Variants in HUNK observed in about 807,000 individuals in gnomAD.
HUNK encodes hormonally up-regulated Neu-associated kinase.
A neutral mutation model predicts 61.0 loss-of-function variants in HUNK; 21 were observed. The observed-to-expected ratio is 0.34, with a 90% CI of 0.24 to 0.50. The LOEUF (loss-of-function observed/expected upper bound fraction) is 0.50. Among genes scored for constraint, HUNK ranks in the 20% least tolerant of loss-of-function variants. HUNK has a pLI of 0.98. For missense variants in HUNK, 772 were observed against 945.7 expected, an observed-to-expected ratio of 0.82 and a Z score of 2.41; for synonymous variants, 371 against 386.1, an observed-to-expected ratio of 0.96 and a Z score of 0.46.
chr21:31,976,617 C>T (rs1445450991), intron 7 of HUNK, among the ~76,000 whole-genome samples: 1 of 151,422 alleles, frequency 6.6e-6, no homozygotes, highest in Non-Finnish European at 1.5e-5. Flanking sequence ...CAGGCACGTG[C>T]CACCACGCTT....
chr21:31,988,200 G>T (rs1296187035), intron 8 of HUNK, among the ~76,000 whole-genome samples: 2 of 152,166 alleles, frequency 1.3e-5, no homozygotes, highest in Non-Finnish European at 2.9e-5. Context: ...CACCTATCGT[G>T]TGTGCCCGAC....
chr21:31,873,206 C>G lies in HUNK; in HGVS notation c.-469C>G, dbSNP rs994037892. 2.6e-5 allele frequency: 4 copies of G among 152,038 alleles called. No homozygotes were observed. The highest frequency in any genetic ancestry group is 5.9e-5 in the Non-Finnish European group (4 of 68,030). The allele number at this position is 152,038 out of a possible 1,614,324, so 9.4% of individuals were successfully genotyped here. A position where few individuals can be genotyped will look rare whatever the true frequency, so the allele number is the denominator to read the frequency against. On this transcript the variant is annotated 5_prime_UTR_variant, in exon 1 of 11. Coordinates refer to ENST00000270112, the MANE Select transcript of HUNK (RefSeq NM_014586.2). The surrounding 1 kb of genome is among the most constrained non-coding windows in gnomAD (Gnocchi z 6.1). ...CGGCCGCCCAGCGCACGGCTAGGAG[C>G]GATCGCGGGAGCCCGACCCAAGCCC...
Position 31,873,955 on chromosome 21 carries a change from T to C in HUNK, c.261+20T>C. 6.8e-7 allele frequency: 1 copy of C among 1,468,962 alleles called. No homozygotes were observed. The highest frequency in any genetic ancestry group is 9.0e-7 in the Non-Finnish European group (1 of 1,108,504). 91.0% of individuals were successfully genotyped at this position (1,468,962 alleles called of 1,614,324 possible). ...GAGAAGGTGAGTCTCCCGGGCGCCG[T>C]GGGGCTGGGGCACAGGGGCGGGAGT... On this transcript the variant is annotated intron_variant, in intron 1 of 10. Transcript: ENST00000270112. The surrounding 1 kb of genome is among the most constrained non-coding windows in gnomAD (Gnocchi z 6.1).
At chr21:31,980,415 T>G (rs1017392519) in intron 7 of HUNK, among the ~76,000 whole-genome samples, 20 of 144,112 alleles carry the variant, frequency 1.4e-4, no homozygotes, top group East Asian at 1.0e-3. Flanking sequence ...TCTCGCTCTG[T>G]CACCAGGCTG....
intron 1 of HUNK, among the ~76,000 whole-genome samples, chr21:31,908,891 A>C (rs528737491): frequency 6.6e-6 from 1 of 152,134 alleles, no homozygotes; most frequent in African/African-American, 2.4e-5. Context: ...TTGCCAATAT[A>C]TTTATCAGTT....
At chr21:31,920,697 G>A (rs1437711509) in intron 1 of HUNK, among the ~76,000 whole-genome samples, 3 of 152,180 alleles carry the variant, frequency 2.0e-5, no homozygotes, top group African/African-American at 4.8e-5. Context: ...TTTACCTCCT[G>A]GGGGCTGAGA....
intron 5 of HUNK, among the ~76,000 whole-genome samples, chr21:31,965,020 A>G (rs2052953446): frequency 6.6e-6 from 1 of 152,142 alleles, no homozygotes; most frequent in African/African-American, 2.4e-5. Context: ...TTAAGCCCTC[A>G]TCTTTTTTAT....
intron 1 of HUNK, among the ~76,000 whole-genome samples, chr21:31,911,319 C>T (rs563032590): frequency 6.6e-5 from 10 of 152,182 alleles, no homozygotes; most frequent in African/African-American, 1.2e-4. Context: ...CAAATAGCCT[C>T]GGGGCACAGG....
intron 2 of HUNK, among the ~76,000 whole-genome samples, chr21:31,938,783 AAG>A (rs1159067721): frequency 1.3e-5 from 2 of 152,098 alleles, no homozygotes; most frequent in South Asian, 4.1e-4. Context: ...GCGTGTGTGT[AAG>A]AGTGTTTTTA....
Position 31,998,809 on chromosome 21 carries a change from T to A in HUNK, c.1770T>A (p.Ala590=). ...TTCTGAACTCCCCGGTCAGCTTGGC[T>A]CGCAGAAATTCCAGCGAGAGGACGC... ...YRILNSPVSL[A]RRNSSERTLS... is the part of the protein sequence containing the mutation. The change falls in exon 11 of 11, where the codon GCT becomes GCA. Residue 590 remains alanine, a synonymous_variant. Coordinates refer to ENST00000270112, the MANE Select transcript of HUNK (RefSeq NM_014586.2). The A allele has an allele frequency of 6.2e-7, 1 of 1,614,184 alleles. No homozygotes were observed. Among genetic ancestry groups the A allele is most frequent in the Non-Finnish European group, 8.5e-7 (1 of 1,180,030 alleles).
intron 8 of HUNK, among the ~76,000 whole-genome samples, chr21:31,986,077 G>A (rs781484723): frequency 3.3e-5 from 5 of 152,074 alleles, no homozygotes; most frequent in African/African-American, 4.8e-5. Flanking sequence ...AGAGAGCCAG[G>A]TGGTGGGGAC....
chr21:31,982,411 C>T (rs73193446), intron 7 of HUNK, among the ~76,000 whole-genome samples: 14 of 152,278 alleles, frequency 9.2e-5, no homozygotes, highest in South Asian at 4.1e-4. Flanking sequence ...TGCATTGTCC[C>T]GGTTATTAAT....
chr21:31,911,784 G>A (rs898812596), intron 1 of HUNK, among the ~76,000 whole-genome samples: 1 of 152,036 alleles, frequency 6.6e-6, no homozygotes, highest in African/African-American at 2.4e-5. Context: ...GGGTCCTTCT[G>A]TCATGGATCG....
intron 10 of HUNK, among the ~76,000 whole-genome samples, chr21:31,996,196 T>C (rs572929755): frequency 2.6e-5 from 4 of 152,092 alleles, no homozygotes; most frequent in East Asian, 1.9e-4. Context: ...AAACAGAAAT[T>C]GGGGTGGATG....
chr21:31,938,489 C>G (rs919084246), intron 2 of HUNK, among the ~76,000 whole-genome samples: 2 of 151,682 alleles, frequency 1.3e-5, no homozygotes, highest in African/African-American at 4.8e-5. Context: ...GAGTAGCTGT[C>G]CCCGTTAAGT....
intron 1 of HUNK, among the ~76,000 whole-genome samples, chr21:31,898,846 T>C (rs1004638161): frequency 1.3e-5 from 2 of 152,214 alleles, no homozygotes; most frequent in African/African-American, 2.4e-5. Context: ...AAGACTGATA[T>C]GAAAGCAAAG....
At chr21:31,985,689 CAT>C (rs1458080575) in intron 8 of HUNK, among the ~76,000 whole-genome samples, 1 of 152,140 alleles carries the variant, frequency 6.6e-6, no homozygotes, top group Non-Finnish European at 1.5e-5. Flanking sequence ...GGAAAGGTCA[CAT>C]GTGAAATGGT....
At chr21:31,962,821 A>C (rs1241154523) in intron 5 of HUNK, among the ~76,000 whole-genome samples, 1 of 152,246 alleles carries the variant, frequency 6.6e-6, no homozygotes, top group Non-Finnish European at 1.5e-5. Context: ...GTGTTTGCAC[A>C]TGATAGACAC....
chr21:31,983,737 C>T, intron 8 of HUNK, 128 bp downstream of exon 8: 1 of 663,676 alleles, frequency 1.5e-6, no homozygotes, highest in Non-Finnish European at 2.6e-6. Context: ...ACGCTCATAA[C>T]TGAGCCCTTG....
Sources: gnomAD v4.1 joint callset for allele counts (sites outside exome capture counted in the v4.1 genomes callset) on GRCh38, gnomAD v4.1.1 for gene constraint, Gnocchi (gnomAD v3.1) non-coding constraint, MANE v1.5 for transcripts, NCBI Gene and HGNC (gene_info 2026-07-23, HGNC 2026-07-21) for gene names.